CNOT2: variants seen among roughly 807,000 people sequenced by gnomAD.
CNOT2 encodes the protein CC chemokine receptor 4-negative regulator of transcription 2.
CNOT2 carries 7 observed loss-of-function variants against 72.1 expected under a neutral mutation model. The observed-to-expected ratio is 0.10, with a 90% CI of 0.06 to 0.18. The LOEUF is 0.18. CNOT2 is among the 10% of genes least tolerant of loss of function. CNOT2 has a pLI of 1.00. For synonymous variants in CNOT2, 196 were observed against 225.6 expected (o/e 0.87, Z 1.17); for missense variants, 345 against 660.3 (o/e 0.52, Z 5.23).
chr12:70,247,305 C>CAA (rs1373131635), intron 1 of CNOT2, among the ~76,000 whole-genome samples: 1 of 152,044 alleles, frequency 6.6e-6, no homozygotes, highest in Non-Finnish European at 1.5e-5. Flanking sequence ...GCTGGGATTA[C>CAA]AGGCATGCAC....
chr12:70,337,308 A>G lies in CNOT2; in HGVS notation c.776-81A>G, dbSNP rs1593266918. On this transcript the variant is annotated intron_variant, in intron 8 of 15. Transcript: ENST00000229195. ...AAAAGAAACCTTTTGGTGTATTATC[A>G]TGAGGAAAGTTAACTTTATAATCTG... 36 of 1,215,626 alleles carry G rather than the reference A, an allele frequency of 3.0e-5. 1 individual carries two copies. The South Asian group carries it at 4.3e-4, about 14-fold the overall frequency. The allele number at this position is 1,215,626 out of a possible 1,614,324, so 75.3% of individuals were successfully genotyped here. A position where few individuals can be genotyped will look rare whatever the true frequency, so the allele number is the denominator to read the frequency against.
At chr12:70,337,867 T>C in intron 9 of CNOT2, 1 of 411,258 alleles carries the variant, frequency 2.4e-6, no homozygotes, top group Non-Finnish European at 4.7e-6. Context: ...ATACCTGTGT[T>C]GATTCAACCA....
At chr12:70,265,318 CTCTTCTCTTT>C (rs1448794611) in intron 1 of CNOT2, among the ~76,000 whole-genome samples, 1 of 145,562 alleles carries the variant, frequency 6.9e-6, no homozygotes, top group African/African-American at 2.5e-5. Flanking sequence ...CTCTTCTCTT[CTCTTCTCTTT>C]CTTTCTTTTT....
intron 3 of CNOT2, among the ~76,000 whole-genome samples, chr12:70,318,728 A>G (rs997088112): frequency 2.6e-5 from 4 of 151,774 alleles, no homozygotes; most frequent in Non-Finnish European, 1.5e-5. Flanking sequence ...TTTAATTAGG[A>G]TGTTTTGATG....
rs1257873241 is a variant in CNOT2, at chr12:70,344,136, A to G, written c.1299A>G (p.Ala433=). 1.3e-6 allele frequency: 2 copies of G among 1,598,780 alleles called. No homozygotes were observed. Among genetic ancestry groups the G allele is most frequent in the Non-Finnish European group, 1.7e-6 (2 of 1,174,082 alleles). ...TNIHIRDKLA[A]IKLGRYGEDL... ...TTATTTTTCTTTTTCAGCTGGCTGC[A>G]ATAAAACTTGGCCGATATGGTGAAG... Residue 433 remains alanine, a synonymous_variant, in exon 14 of 16, where the codon GCA becomes GCG. Transcript: ENST00000229195.
intron 7 of CNOT2, chr12:70,334,819 A>G (rs1387560788): frequency 6.6e-6 from 1 of 152,014 alleles, no homozygotes; most frequent in Non-Finnish European, 1.5e-5. Flanking sequence ...GCTTTGTATC[A>G]TATTTCTATA....
chr12:70,304,865 T>G (rs1207709931), intron 2 of CNOT2, among the ~76,000 whole-genome samples: 1 of 152,194 alleles, frequency 6.6e-6, no homozygotes, highest in East Asian at 1.9e-4. Context: ...ACTCAAGCCT[T>G]GGCAATGGCG....
chr12:70,278,358 C>T, intron 2 of CNOT2, 84 bp downstream of exon 2: 1 of 1,022,518 alleles, frequency 9.8e-7, no homozygotes, highest in Non-Finnish European at 1.5e-6. Flanking sequence ...TAATTGGAAC[C>T]AGCAAATTGG....
intron 4 of CNOT2, among the ~76,000 whole-genome samples, chr12:70,324,999 G>A (rs1049637026): frequency 6.6e-6 from 1 of 151,824 alleles, no homozygotes; most frequent in African/African-American, 2.4e-5. Context: ...GTCTGAGTTA[G>A]TGTGGTCCCT....
At chr12:70,339,610 CCTTT>C (rs1435889521) in intron 11 of CNOT2, among the ~76,000 whole-genome samples, 1 of 152,142 alleles carries the variant, frequency 6.6e-6, no homozygotes, top group African/African-American at 2.4e-5. Flanking sequence ...GCCTGGTCTT[CCTTT>C]ATTTTCATGC....
At chr12:70,338,412 T>A (rs1437663982) in intron 9 of CNOT2, 31 bp from the exon 10 acceptor site, 4 of 1,579,002 alleles carry the variant, frequency 2.5e-6, no homozygotes, top group Non-Finnish European at 3.4e-6. Flanking sequence ...TTAACAAATT[T>A]TAATGTCACA....
chr12:70,305,154 G>A (rs1309517834), intron 2 of CNOT2, among the ~76,000 whole-genome samples: 4 of 152,170 alleles, frequency 2.6e-5, no homozygotes, highest in Non-Finnish European at 2.9e-5. Flanking sequence ...TTCGGCTCAC[G>A]CATGGTGCGC....
chr12:70,327,665 A>G (rs1197721045), intron 4 of CNOT2: 1 of 151,816 alleles, frequency 6.6e-6, no homozygotes, highest in African/African-American at 2.4e-5. Context: ...TTGCAGCTAT[A>G]GTTGACTTCA....
chr12:70,327,841 A>G (rs1351537350), intron 4 of CNOT2: 1 of 151,874 alleles, frequency 6.6e-6, no homozygotes, highest in Non-Finnish European at 1.5e-5. Context: ...ATGGTTTGTT[A>G]GGAGCACACC....
intron 2 of CNOT2, among the ~76,000 whole-genome samples, chr12:70,289,634 T>G (rs1871524117): frequency 6.6e-6 from 1 of 152,184 alleles, no homozygotes; most frequent in Non-Finnish European, 1.5e-5. Flanking sequence ...TTTCTTTCTT[T>G]TTTTCTCACC....
intron 13 of CNOT2, among the ~76,000 whole-genome samples, chr12:70,342,984 G>T (rs575209140): frequency 6.6e-6 from 1 of 152,232 alleles, no homozygotes; most frequent in African/African-American, 2.4e-5. Context: ...GTGCCTTACA[G>T]TTCTGTGGTC....
At chr12:70,324,879 C>A (rs1878842254) in intron 4 of CNOT2, among the ~76,000 whole-genome samples, 1 of 151,774 alleles carries the variant, frequency 6.6e-6, no homozygotes, top group Non-Finnish European at 1.5e-5. Context: ...GACTCCCCAC[C>A]ACTGCCACCA....
chr12:70,257,372 T>G (rs1032724378), intron 1 of CNOT2, among the ~76,000 whole-genome samples: 2 of 140,680 alleles, frequency 1.4e-5, no homozygotes, highest in South Asian at 2.3e-4. Flanking sequence ...TTTTTTTTTT[T>G]CTTTTTGAGA....
chr12:70,337,898 C>T, intron 9 of CNOT2: 1 of 356,430 alleles, frequency 2.8e-6, no homozygotes, highest in Non-Finnish European at 5.3e-6. Context: ...TTCTTTCTGA[C>T]TTAACAAATA....
Sources: gnomAD v4.1 joint callset for allele counts (sites outside exome capture counted in the v4.1 genomes callset) on GRCh38, gnomAD v4.1.1 for gene constraint, MANE v1.5 for transcripts, NCBI Gene and HGNC (gene_info 2026-07-23, HGNC 2026-07-21) for gene names.